ANKRD44: variants seen among roughly 807,000 people sequenced by gnomAD.
ANKRD44 encodes serine/threonine-protein phosphatase 6 regulatory ankyrin repeat subunit B.
Under a neutral mutation model 116.0 loss-of-function variants are expected in ANKRD44, and 35 were observed. That is an observed-to-expected ratio of 0.30 (90% confidence interval 0.23 to 0.40). The LOEUF is 0.40. ANKRD44 is among the 10% of genes least tolerant of loss of function. The pLI, the probability that ANKRD44 is intolerant of heterozygous loss-of-function variation, is 1.00. For synonymous variants in ANKRD44, 435 were observed against 461.8 expected, an observed-to-expected ratio of 0.94 and a Z score of 0.74; for missense variants, 1,014 against 1,242.6, an observed-to-expected ratio of 0.82 and a Z score of 2.77.
At chr2:197,273,980 A>AAATATAT (rs1553546147) in intron 1 of ANKRD44, among the ~76,000 whole-genome samples, 4 of 43,926 alleles carry the variant, frequency 9.1e-5, no homozygotes, top group Admixed American at 3.2e-4. Flanking sequence ...AAAAAAAAAA[A>AAATATAT]ATATATATAT....
chr2:197,086,634 G>T, intron 13 of ANKRD44, 46 bp downstream of exon 13: 1 of 1,576,192 alleles, frequency 6.3e-7, no homozygotes, highest in Non-Finnish European at 8.7e-7. Context: ...ACCACTCCCA[G>T]TTCCTCTTAT....
At chr2:197,228,648 A>C (rs1194847072) in intron 1 of ANKRD44, among the ~76,000 whole-genome samples, 3 of 152,324 alleles carry the variant, frequency 2.0e-5, no homozygotes, top group East Asian at 1.9e-4. Flanking sequence ...TGTGTCCTAC[A>C]ACTAAATTAG....
intron 3 of ANKRD44, among the ~76,000 whole-genome samples, chr2:197,146,642 C>G (rs1432066533): frequency 6.6e-6 from 1 of 151,732 alleles, no homozygotes; most frequent in Non-Finnish European, 1.5e-5. Flanking sequence ...TATATACTCA[C>G]TATACATAGT....
At chr2:197,221,535 T>G (rs989018656) in intron 1 of ANKRD44, among the ~76,000 whole-genome samples, 1 of 152,344 alleles carries the variant, frequency 6.6e-6, no homozygotes, top group Non-Finnish European at 1.5e-5. Context: ...CTTTGACTAG[T>G]AAGCCTGACC....
rs529604034 is a variant in ANKRD44, at chr2:197,299,751, C to A, written c.27+10827G>T. 1.5e-4 allele frequency among the ~76,000 whole-genome samples: 23 copies of A among 152,122 alleles called. No individual in the cohort carries two copies. The South Asian group carries it at 4.8e-3, about 32-fold the overall frequency. ...CAGTTCTTTAGTGGTGACAGGTGCA[C>A]CAAAATCTCAGAAATCACCACTAAA... On this transcript the variant is annotated intron_variant, in intron 1 of 27. Coordinates refer to ENST00000282272, the MANE Select transcript of ANKRD44 (RefSeq NM_001195144.2).
chr2:197,114,599 C>T (rs900534913), intron 8 of ANKRD44, among the ~76,000 whole-genome samples: 6 of 152,170 alleles, frequency 3.9e-5, no homozygotes, highest in South Asian at 2.1e-4. Flanking sequence ...CTTTCCTCAT[C>T]TTCCAATATC....
Position 197,201,502 on chromosome 2 carries a change from T to G in ANKRD44, c.28-14396A>C, listed in dbSNP as rs948760719. On this transcript the variant is annotated intron_variant, in intron 1 of 27. Coordinates refer to ENST00000282272, the MANE Select transcript of ANKRD44 (RefSeq NM_001195144.2). The surrounding 1 kb of genome is among the most constrained non-coding windows in gnomAD (Gnocchi z 4.0). ...GCCCAACTGACATAACTGAGGTTGGTTCCTTTCCTGGTATCCACACTCCCC... is the reference window on the plus strand; with the variant it reads ...GCCCAACTGACATAACTGAGGTTGGGTCCTTTCCTGGTATCCACACTCCCC... Among the ~76,000 whole-genome samples the G allele has an allele frequency of 1.3e-5, 2 of 152,134 alleles. No homozygotes were observed. The highest frequency in any genetic ancestry group is 4.8e-5 in the African/African-American group (2 of 41,440).
chr2:197,272,395 G>T (rs1165839526), intron 1 of ANKRD44, among the ~76,000 whole-genome samples: 2 of 152,012 alleles, frequency 1.3e-5, no homozygotes, highest in Admixed American at 1.3e-4. Flanking sequence ...GTGCCACCAC[G>T]CCCAGCTAAT....
intron 2 of ANKRD44, among the ~76,000 whole-genome samples, chr2:197,150,517 C>G (rs2079617511): frequency 1.3e-5 from 2 of 151,946 alleles, no homozygotes; most frequent in Non-Finnish European, 2.9e-5. Flanking sequence ...CCACTGCACT[C>G]TAGCCTGGGT....
intron 16 of ANKRD44, among the ~76,000 whole-genome samples, chr2:197,050,370 C>T (rs1460586875): frequency 6.6e-6 from 1 of 152,010 alleles, no homozygotes; most frequent in Non-Finnish European, 1.5e-5. Context: ...CCATCAATAA[C>T]GAAGCATTCT....
rs2075709210 is a variant in ANKRD44, at chr2:196,970,719, T to C, written c.2369-3273A>G. 1.2e-4 allele frequency among the ~76,000 whole-genome samples: 18 copies of C among 152,364 alleles called. No individual in the cohort carries two copies. The South Asian group carries it at 3.5e-3, about 30-fold the overall frequency. On this transcript the variant is annotated intron_variant, in intron 21 of 21. Transcript: ENST00000424317. Reference sequence around the variant, plus strand: ...ACTTGATTAAATCAATATTTCTTTTTGAGACATGGTCTCACTCTGTTGCCC... The same window carrying C: ...ACTTGATTAAATCAATATTTCTTTTCGAGACATGGTCTCACTCTGTTGCCC...
chr2:197,010,379 G>C (rs2076276442), intron 18 of ANKRD44, among the ~76,000 whole-genome samples: 1 of 151,932 alleles, frequency 6.6e-6, no homozygotes, highest in African/African-American at 2.4e-5. Flanking sequence ...GGGCTCCCTG[G>C]GAGCCCTTTC....
intron 16 of ANKRD44, among the ~76,000 whole-genome samples, chr2:197,033,601 CCT>C: frequency 6.6e-6 from 1 of 151,862 alleles, no homozygotes; most frequent in Non-Finnish European, 1.5e-5. Context: ...TGAACTTTCC[CCT>C]GATATTTCAC....
At chr2:197,147,554 G>A (rs1385837175) in intron 2 of ANKRD44, among the ~76,000 whole-genome samples, 1 of 152,000 alleles carries the variant, frequency 6.6e-6, no homozygotes, top group Non-Finnish European at 1.5e-5. Flanking sequence ...ACATAACTGT[G>A]GTCATTTTCT....
At position 197,141,445 on chromosome 2, in the gene ANKRD44, G is replaced by A. The variant is rs2918629; in HGVS notation, c.191-4783C>T. Among the ~76,000 whole-genome samples, 1,203 of 151,042 alleles carry A rather than the reference G, an allele frequency of 8.0e-3. 16 individuals carry two copies. Among genetic ancestry groups the A allele is most frequent in the African/African-American group, 0.028 (1,154 of 41,046 alleles). The stretch of plus-strand genomic sequence containing the variant: ...CTTTTATCATTATTATTATTATACC[G>A]CATTCTGAAAATTTTTAGTTTTATG... On this transcript the variant is annotated intron_variant, in intron 3 of 27. Coordinates refer to ENST00000282272, the MANE Select transcript of ANKRD44 (RefSeq NM_001195144.2).
intron 1 of ANKRD44, among the ~76,000 whole-genome samples, chr2:197,238,485 G>C (rs1218662590): frequency 4.6e-4 from 70 of 152,154 alleles, no homozygotes. Context: ...TCTGTGCTAT[G>C]ATGACAACCT....
At chr2:197,222,132 T>C (rs922916246) in intron 1 of ANKRD44, among the ~76,000 whole-genome samples, 7 of 152,214 alleles carry the variant, frequency 4.6e-5, no homozygotes, top group Non-Finnish European at 1.0e-4. Context: ...GAGACTGGTG[T>C]CCTAAGGCAG....
At chr2:197,150,975 T>C (rs2079631936) in intron 2 of ANKRD44, among the ~76,000 whole-genome samples, 1 of 152,086 alleles carries the variant, frequency 6.6e-6, no homozygotes, top group Non-Finnish European at 1.5e-5. Context: ...CCCGGGTTCT[T>C]GGTAGGGGAA....
At chr2:197,272,818 G>A (rs939248985) in intron 1 of ANKRD44, among the ~76,000 whole-genome samples, 2 of 152,114 alleles carry the variant, frequency 1.3e-5, no homozygotes, top group African/African-American at 4.8e-5. Flanking sequence ...CCAGAACTGT[G>A]AGAAATAAAT....
Sources: gnomAD v4.1 joint callset for allele counts (sites outside exome capture counted in the v4.1 genomes callset) on GRCh38, gnomAD v4.1.1 for gene constraint, Gnocchi (gnomAD v3.1) non-coding constraint, MANE v1.5 for transcripts, NCBI Gene and HGNC (gene_info 2026-07-23, HGNC 2026-07-21) for gene names.